Variants in NXN observed in about 807,000 individuals in gnomAD.
NXN encodes nucleoredoxin 1.
Under a neutral mutation model 48.6 loss-of-function variants are expected in NXN, and 16 were observed. That is an observed-to-expected ratio of 0.33 (90% CI 0.22 to 0.50). The LOEUF is 0.50. Ranked by LOEUF, NXN falls within the 20% of genes least tolerant of loss-of-function variation. The pLI, the probability that NXN is intolerant of heterozygous loss-of-function variation, is 0.98. For synonymous variants in NXN, 281 were observed against 269.6 expected, an observed-to-expected ratio of 1.04 and a Z score of -0.41; for missense variants, 492 against 605.5, an observed-to-expected ratio of 0.81 and a Z score of 1.97.
chr17:912,909 G>T (rs1467088885), intron 1 of NXN, among the ~76,000 whole-genome samples: 1 of 151,930 alleles, frequency 6.6e-6, no homozygotes, highest in Non-Finnish European at 1.5e-5. Flanking sequence ...AGCCAAGATT[G>T]CACCACCGCA....
chr17:901,046 G>A (rs986141538), intron 1 of NXN, among the ~76,000 whole-genome samples: 3 of 150,032 alleles, frequency 2.0e-5, no homozygotes, highest in East Asian at 2.0e-4. Context: ...TCAGCCTCCC[G>A]AGTAGCTGGG....
chr17:864,156 G>T (rs2644712), intron 1 of NXN: 2 of 886,944 alleles, frequency 2.3e-6, no homozygotes, highest in Non-Finnish European at 2.9e-6. Flanking sequence ...CCGTTGCTCG[G>T]TTCCGGTGAA....
chr17:978,438 C>G lies in NXN; in HGVS notation c.360+881G>C, dbSNP rs1030322949. 1 of 152,404 alleles carries G rather than the reference C, an allele frequency of 6.6e-6. No individual in the cohort carries two copies. Among genetic ancestry groups the G allele is most frequent in the African/African-American group, 2.4e-5 (1 of 41,474 alleles). The allele number at this position is 152,404 out of a possible 1,614,324, so 9.4% of individuals were successfully genotyped here. A position where few individuals can be genotyped will look rare whatever the true frequency, so the allele number is the denominator to read the frequency against. ...GTTGACAGCAAAGTATCCATTTCCC[C>G]AAATCCTCCTTCTTCCAGTCAATGT... On this transcript the variant is annotated intron_variant, in intron 1 of 7. Coordinates refer to ENST00000336868, the MANE Select transcript of NXN (RefSeq NM_022463.5). The surrounding 1 kb of genome is among the most constrained non-coding windows in gnomAD (Gnocchi z 4.1).
At chr17:895,052 C>T (rs1396193222) in intron 1 of NXN, among the ~76,000 whole-genome samples, 3 of 114,884 alleles carry the variant, frequency 2.6e-5, no homozygotes, top group Admixed American at 1.3e-4. Context: ...AATCTCACTC[C>T]GTCGCCCAGG....
rs1046770033 is a variant in NXN at position 958,325 on chromosome 17, C to CTA, written c.360+20992_360+20993dup. Among the ~76,000 whole-genome samples the CTA allele has an allele frequency of 2.4e-4, 37 of 152,170 alleles. 1 individual carries two copies. The highest frequency in any genetic ancestry group is 2.2e-3 in the Admixed American group (34 of 15,278). Reference sequence around the variant, plus strand: ...GAAAATGCTAACGTGCTGACTGGGGCTAACCCTACGCTAAAGCAAAGCCTT... The same window carrying CTA: ...GAAAATGCTAACGTGCTGACTGGGGCTATAACCCTACGCTAAAGCAAAGCCTT... On this transcript the variant is annotated intron_variant, in intron 1 of 7. Coordinates refer to ENST00000336868, the MANE Select transcript of NXN (RefSeq NM_022463.5). This position sits in a 1 kb window ranked among gnomAD's most constrained non-coding sequence, Gnocchi z 6.9.
chr17:915,864 T>A (rs8064980), intron 1 of NXN, among the ~76,000 whole-genome samples: 1 of 136,000 alleles, frequency 7.4e-6, no homozygotes, highest in Non-Finnish European at 1.6e-5. Context: ...CGGCCACTTA[T>A]GGTGTCAGAG....
At chr17:909,946 C>G (rs557529449) in intron 1 of NXN, 3 of 152,226 alleles carry the variant, frequency 2.0e-5, no homozygotes, top group South Asian at 4.1e-4. Flanking sequence ...AGTGATATCG[C>G]CTTTAATATC....
chr17:813,113 A>G (rs978837393), intron 5 of NXN, among the ~76,000 whole-genome samples: 8 of 152,278 alleles, frequency 5.3e-5, no homozygotes, highest in African/African-American at 1.9e-4. Context: ...TAACCACGGA[A>G]TCACACAAAA....
chr17:807,819 T>C (rs1911656614), intron 5 of NXN, among the ~76,000 whole-genome samples: 2 of 152,172 alleles, frequency 1.3e-5, no homozygotes, highest in Admixed American at 6.5e-5. Flanking sequence ...CCATGACGAG[T>C]GCACATCCCT....
Position 826,098 on chromosome 17 carries a change from A to C in NXN, c.361-20T>G, listed in dbSNP as rs1913084735. 1 of 1,545,002 alleles carries C rather than the reference A, an allele frequency of 6.5e-7. No homozygotes were observed. Among genetic ancestry groups the C allele is most frequent in the Admixed American group, 1.7e-5 (1 of 59,896 alleles). ...TTTGAGCTGTATGAAGAAAAGCAAA[A>C]GAAGGTGGTTAAGTCCAAACCAGAT... is the stretch of plus-strand genomic sequence containing the variant. On this transcript the variant is annotated intron_variant, in intron 1 of 7. Transcript: ENST00000336868.
At chr17:828,251 C>CTG (rs1913243381) in intron 1 of NXN, among the ~76,000 whole-genome samples, 4 of 151,508 alleles carry the variant, frequency 2.6e-5, no homozygotes, top group Middle Eastern at 3.2e-3. Flanking sequence ...TTACAGGTGC[C>CTG]CCCTACCACA....
intron 1 of NXN, among the ~76,000 whole-genome samples, chr17:846,741 C>T (rs2067866693): frequency 6.6e-6 from 1 of 151,930 alleles, no homozygotes; most frequent in Non-Finnish European, 1.5e-5. Flanking sequence ...TGTAATGAGC[C>T]AGAAAGTTAG....
intron 5 of NXN, among the ~76,000 whole-genome samples, chr17:810,353 G>C (rs958984470): frequency 6.6e-6 from 1 of 151,666 alleles, no homozygotes; most frequent in Non-Finnish European, 1.5e-5. Context: ...TGTACGTTAA[G>C]AGTCCGTGTG....
At chr17:885,794 T>C (rs1180771950) in intron 1 of NXN, among the ~76,000 whole-genome samples, 2 of 149,054 alleles carry the variant, frequency 1.3e-5, no homozygotes, top group Non-Finnish European at 3.0e-5. Flanking sequence ...CATTCTCCTG[T>C]CTCAGCCTCC....
At chr17:863,975 C>T (rs1158971820) in intron 1 of NXN, 5 of 1,535,114 alleles carry the variant, frequency 3.3e-6, no homozygotes, top group Middle Eastern at 1.7e-4. Flanking sequence ...TGAGGAAACA[C>T]GTTAACCATT....
rs561026888 is a variant in NXN, at chr17:947,128, G to A, written c.360+32191C>T. On this transcript the variant is annotated intron_variant, in intron 1 of 7. Transcript: ENST00000336868. ...CTTAGGCTTGTCATGATCATGCACC[G>A]GCAGCGTCCCCCTCGGTTACGAACC... is the stretch of plus-strand genomic sequence containing the variant. Among the ~76,000 whole-genome samples the A allele has an allele frequency of 1.0e-3, 158 of 152,232 alleles. 2 individuals carry two copies. The highest frequency in any genetic ancestry group is 6.2e-4 in the South Asian group (3 of 4,824).
At chr17:925,214 C>A (rs1046605055) in intron 1 of NXN, among the ~76,000 whole-genome samples, 1 of 152,174 alleles carries the variant, frequency 6.6e-6, no homozygotes, top group African/African-American at 2.4e-5. Context: ...TGAGGCCTCC[C>A]GCCTCCCGGA....
intron 1 of NXN, among the ~76,000 whole-genome samples, chr17:838,653 G>A (rs1382381910): frequency 6.6e-6 from 1 of 152,226 alleles, no homozygotes; most frequent in Non-Finnish European, 1.5e-5. Context: ...ATAAAAATAT[G>A]AAGCAACAAC....
rs746938890 is a variant in NXN at position 860,980 on chromosome 17, ATTACGGATG to A, written c.361-34911_361-34903del. On this transcript the variant is annotated intron_variant, in intron 1 of 7. Coordinates refer to ENST00000336868, the MANE Select transcript of NXN (RefSeq NM_022463.5). ...CTTGTTAGGATCACTGCTGGCCATG[ATTACGGATG>A]TTGCAAATCTGTAAACAAGGTTATC... 2.4e-3 allele frequency among the ~76,000 whole-genome samples: 365 copies of A among 152,342 alleles called. 1 individual carries two copies. Among genetic ancestry groups the A allele is most frequent in the Middle Eastern group, 0.01 (3 of 294 alleles).
Sources: allele counts gnomAD v4.1 joint callset (sites outside exome capture counted in the v4.1 genomes callset), GRCh38; gene constraint gnomAD v4.1.1; non-coding constraint Gnocchi (gnomAD v3.1); transcripts MANE v1.5; gene names NCBI Gene and HGNC (gene_info 2026-07-23, HGNC 2026-07-21).